Variants in PLCG2 observed in about 807,000 individuals in gnomAD.
PLCG2 encodes the protein phospholipase C gamma 2.
A neutral mutation model predicts 175.6 loss-of-function variants in PLCG2; 69 were observed. The observed-to-expected ratio is 0.39, with a 90% CI of 0.32 to 0.48. PLCG2 has a LOEUF of 0.48. Among genes scored for constraint, PLCG2 ranks in the 20% least tolerant of loss-of-function variants. The probability of loss-of-function intolerance (pLI) is 0.91; values close to 1 mark genes in which losing one functional copy is unlikely to be tolerated. For missense variants in PLCG2, 1,798 were observed against 1,650.9 expected (o/e 1.09, Z -1.54); for synonymous variants, 827 against 624.0 (o/e 1.33, Z -4.85).
At chr16:81,896,847 G>A (rs78761750) in intron 13 of PLCG2, among the ~76,000 whole-genome samples, 3,062 of 152,284 alleles carry the variant, frequency 0.02, 42 homozygotes, top group Middle Eastern at 0.048. Flanking sequence ...TAACAGATGA[G>A]TAAATTGAGA....
At chr16:81,755,373 T>TTTA (rs964853267) in intron 1 of PLCG2, among the ~76,000 whole-genome samples, 1 of 149,766 alleles carries the variant, frequency 6.7e-6, no homozygotes, top group East Asian at 1.9e-4. Flanking sequence ...ATTTTGTATT[T>TTTA]TTTTTTTTTT....
chr16:81,855,359 T>A (rs1174656232), intron 3 of PLCG2, among the ~76,000 whole-genome samples: 1 of 152,240 alleles, frequency 6.6e-6, no homozygotes, highest in Non-Finnish European at 1.5e-5. Context: ...GTATCTACTT[T>A]CAAGTTCAGT....
upstream of PLCG2, among the ~76,000 whole-genome samples, chr16:81,774,652 C>A (rs1392088927): frequency 6.6e-6 from 1 of 151,512 alleles, no homozygotes; most frequent in South Asian, 2.1e-4. Flanking sequence ...TTCCCTGGGG[C>A]AGGGCGGTGG....
chr16:81,915,457 C>T lies in PLCG2; in HGVS notation c.2054+2741C>T, dbSNP rs879791150. ...TGAAGCTGAGACCTCAGGCTGTGGC[C>T]GTGGCATCCACGCTCCAGGAGGATG... On this transcript the variant is annotated intron_variant, in intron 19 of 32. Coordinates refer to ENST00000564138, the MANE Select transcript of PLCG2 (RefSeq NM_002661.5). Among the ~76,000 whole-genome samples, 7 of 152,200 alleles carry T rather than the reference C, an allele frequency of 4.6e-5. No individual in the cohort carries two copies. The East Asian group carries it at 5.8e-4, about 13-fold the overall frequency.
chr16:81,777,264 A>G (rs1910431781), upstream of PLCG2, among the ~76,000 whole-genome samples: 1 of 152,202 alleles, frequency 6.6e-6, no homozygotes, highest in African/African-American at 2.4e-5. Context: ...TTCTGATTAT[A>G]TGCAATCTCA....
rs1225675913 is a variant in PLCG2 at position 81,946,207 on chromosome 16, A to G, written c.3514A>G (p.Ser1172Gly). 6.8e-6 allele frequency: 11 copies of G among 1,613,858 alleles called. No homozygotes were observed. Among genetic ancestry groups the G allele is most frequent in the Non-Finnish European group, 9.3e-6 (11 of 1,179,852 alleles). Residue 1172 changes from serine (S) to glycine (G), a missense_variant, in exon 31 of 33, where the codon AGC becomes GGC. Transcript: ENST00000564138. The stretch of plus-strand genomic sequence containing the variant: ...GTCCGTTCCTCTGAAGAATGGGTAC[A>G]GCGAGGACATAGAGCTGGCTTCCCT... ...FRSVPLKNGY[S>G]EDIELASLLV... is the part of the protein sequence containing the mutation.
chr16:81,929,691 C>G (rs2143708407), intron 24 of PLCG2, among the ~76,000 whole-genome samples: 1 of 152,362 alleles, frequency 6.6e-6, no homozygotes, highest in East Asian at 1.9e-4. Context: ...CCACCATGCC[C>G]AGCCTGCTTT....
Position 81,834,548 on chromosome 16 carries a change from CAG to C in PLCG2, c.194-19891_194-19890del, listed in dbSNP as rs529099655. 5.7e-4 allele frequency among the ~76,000 whole-genome samples: 87 copies of C among 152,162 alleles called. No homozygotes were observed. The East Asian group carries it at 0.014, about 24-fold the overall frequency. ...TGGGAGAGACCGCTGAGATGATGGACAGAGAGCACTCGTCACGTGGTTGATAG... is the reference window on the plus strand; with the variant it reads ...TGGGAGAGACCGCTGAGATGATGGACAGAGCACTCGTCACGTGGTTGATAG... On this transcript the variant is annotated intron_variant, in intron 2 of 32. Transcript: ENST00000564138.
At position 81,959,998 on chromosome 16, in the gene PLCG2, G is replaced by C. The variant is rs955555477; in HGVS notation, c.*2000G>C. ...ACATATGGCGGCATAGGAAGCAGAAGCTAAGCCTCTCTCCAGCTGCTGCTG... is the reference window on the plus strand; with the variant it reads ...ACATATGGCGGCATAGGAAGCAGAACCTAAGCCTCTCTCCAGCTGCTGCTG... On this transcript the variant is annotated 3_prime_UTR_variant, in exon 33 of 33. Coordinates refer to ENST00000564138, the MANE Select transcript of PLCG2 (RefSeq NM_002661.5). The C allele has an allele frequency of 4.7e-6, 1 of 212,310 alleles. No individual in the cohort carries two copies. The highest frequency in any genetic ancestry group is 2.3e-5 in the African/African-American group (1 of 44,162). 13.2% of individuals were successfully genotyped at this position (212,310 alleles called of 1,614,324 possible).
At chr16:81,859,412 T>C (rs1597358640) in intron 5 of PLCG2, 1 of 458,076 alleles carries the variant, frequency 2.2e-6, no homozygotes, top group Non-Finnish European at 3.9e-6. Flanking sequence ...CATTTGGACC[T>C]CATCACAAAT....
intron 2 of PLCG2, among the ~76,000 whole-genome samples, chr16:81,844,539 C>G (rs528687097): frequency 5.7e-4 from 86 of 151,872 alleles, no homozygotes; most frequent in African/African-American, 2.1e-3. Flanking sequence ...CCAGGCTGGT[C>G]TCAAACTCCC....
intron 21 of PLCG2, chr16:81,921,522 G>C: frequency 2.0e-6 from 1 of 494,270 alleles, no homozygotes; most frequent in Non-Finnish European, 3.7e-6. Context: ...ACCACCTTTG[G>C]GCCAAATGGC....
At chr16:81,834,023 G>A (rs993090882) in intron 2 of PLCG2, among the ~76,000 whole-genome samples, 11 of 152,176 alleles carry the variant, frequency 7.2e-5, no homozygotes, top group African/African-American at 2.4e-4. Context: ...CTGCTGGAAC[G>A]TGGGAATGGG....
chr16:81,860,309 C>T (rs2143496561), intron 5 of PLCG2, among the ~76,000 whole-genome samples: 1 of 152,016 alleles, frequency 6.6e-6, no homozygotes, highest in South Asian at 2.1e-4. Flanking sequence ...CAGAGCGCTG[C>T]TCCCAATCCT....
At chr16:81,760,287 G>A (rs1378699118) in intron 2 of PLCG2, among the ~76,000 whole-genome samples, 1 of 152,118 alleles carries the variant, frequency 6.6e-6, no homozygotes, top group African/African-American at 2.4e-5. Flanking sequence ...GCCAGGACTG[G>A]GCACAGAGCA....
Position 81,764,479 on chromosome 16 carries a change from G to A in PLCG2, c.-48+8513G>A, listed in dbSNP as rs528403564. On this transcript the variant is annotated intron_variant, in intron 2 of 5. Coordinates refer to the PLCG2 transcript ENST00000565054. ...TGGAAAGTGCAATTGCCCACAGCTG[G>A]CATCTGAATAGATTCACTCTCCTCA... 2.6e-5 allele frequency among the ~76,000 whole-genome samples: 4 copies of A among 152,256 alleles called. No individual in the cohort carries two copies. In the East Asian group the frequency reaches 7.7e-4, roughly 29 times the overall value.
Position 81,958,651 on chromosome 16 carries a change from G to C in PLCG2, c.*653G>C, listed in dbSNP as rs1312253722. ...ACTAGAGTTACTGGGATGGAGGGTA[G>C]GAATCTTGGGGCCTCTTTGTTTTAA... On this transcript the variant is annotated 3_prime_UTR_variant, in exon 33 of 33. Coordinates refer to ENST00000564138, the MANE Select transcript of PLCG2 (RefSeq NM_002661.5). 2.7e-5 allele frequency: 6 copies of C among 223,836 alleles called. No individual in the cohort carries two copies. The highest frequency in any genetic ancestry group is 4.5e-5 in the Non-Finnish European group (5 of 112,228). 13.9% of individuals were successfully genotyped at this position (223,836 alleles called of 1,614,324 possible).
At position 81,935,994 on chromosome 16, in the gene PLCG2, G is replaced by C. The variant is rs1336303028; in HGVS notation, c.2843-175G>C. 4 of 985,178 alleles carry C rather than the reference G, an allele frequency of 4.1e-6. No homozygotes were observed. In the South Asian group the frequency reaches 1.9e-4, roughly 46 times the overall value. The allele number at this position is 985,178 out of a possible 1,614,324, so 61.0% of individuals were successfully genotyped here. A position where few individuals can be genotyped will look rare whatever the true frequency, so the allele number is the denominator to read the frequency against. ...CTTTTTAATACTTGGAACCCCCAGAGGGCAAGAGTCCACAGTGATACCAAT... is the reference window on the plus strand; with the variant it reads ...CTTTTTAATACTTGGAACCCCCAGACGGCAAGAGTCCACAGTGATACCAAT... On this transcript the variant is annotated intron_variant, in intron 26 of 32. Transcript: ENST00000564138.
At chr16:81,840,063 A>C (rs1905738181) in intron 2 of PLCG2, among the ~76,000 whole-genome samples, 1 of 152,204 alleles carries the variant, frequency 6.6e-6, no homozygotes, top group African/African-American at 2.4e-5. Flanking sequence ...TCTCCAAAAA[A>C]ACTTAAAGAA....
Sources: gnomAD v4.1 joint callset for allele counts (sites outside exome capture counted in the v4.1 genomes callset) on GRCh38, gnomAD v4.1.1 for gene constraint, MANE v1.5 for transcripts, NCBI Gene and HGNC (gene_info 2026-07-23, HGNC 2026-07-21) for gene names.